The following HDAC9 variants were observed in gnomAD, a reference collection of about 807,000 sequenced individuals.
The protein encoded by HDAC9 is histone deacetylase 9.
A neutral mutation model predicts 139.4 loss-of-function variants in HDAC9; 41 were observed. The observed-to-expected ratio is 0.29, with a 90% CI of 0.23 to 0.38. HDAC9 has a LOEUF of 0.38. Among genes scored for constraint, HDAC9 ranks in the 10% least tolerant of loss-of-function variants. The probability of loss-of-function intolerance (pLI) is 1.00; values close to 1 mark genes in which losing one functional copy is unlikely to be tolerated. For synonymous variants in HDAC9, 517 were observed against 476.2 expected, an observed-to-expected ratio of 1.09 and a Z score of -1.12; for missense variants, 1,147 against 1,297.0, an observed-to-expected ratio of 0.88 and a Z score of 1.78.
chr7:18,236,101 A>G (rs534600494), intron 2 of HDAC9, among the ~76,000 whole-genome samples: 1 of 152,228 alleles, frequency 6.6e-6, no homozygotes, highest in Non-Finnish European at 1.5e-5. Flanking sequence ...GAAACAGTTC[A>G]GAGACTGGAA....
chr7:18,987,699 G>T (rs1399157070), intron 25 of HDAC9, among the ~76,000 whole-genome samples: 2 of 151,896 alleles, frequency 1.3e-5, no homozygotes, highest in Admixed American at 6.6e-5. Flanking sequence ...TCTGGTCCTG[G>T]ACTCTTTTTG....
At chr7:18,901,472 C>T (rs879632924) in intron 22 of HDAC9, among the ~76,000 whole-genome samples, 3 of 152,024 alleles carry the variant, frequency 2.0e-5, no homozygotes, top group Non-Finnish European at 4.4e-5. Context: ...ATAGTGGAGA[C>T]TTTACAACTG....
chr7:18,623,244 T>A (rs1020442065), intron 6 of HDAC9, among the ~76,000 whole-genome samples: 1 of 151,748 alleles, frequency 6.6e-6, no homozygotes, highest in African/African-American at 2.4e-5. Context: ...CTAAACAGAA[T>A]ACAATTTATA....
At chr7:18,517,629 A>G (rs1441184403) in intron 2 of HDAC9, 2 of 152,176 alleles carry the variant, frequency 1.3e-5, no homozygotes, top group Non-Finnish European at 2.9e-5. Context: ...TTTTCTCAAC[A>G]CTGATTTGAA....
chr7:18,322,013 A>C (rs1800065373), intron 1 of HDAC9, among the ~76,000 whole-genome samples: 1 of 152,182 alleles, frequency 6.6e-6, no homozygotes, highest in Non-Finnish European at 1.5e-5. Flanking sequence ...TGAGATTTCT[A>C]GTGGAATAAA....
chr7:18,157,665 T>G (rs966308006), intron 1 of HDAC9, among the ~76,000 whole-genome samples: 22 of 152,306 alleles, frequency 1.4e-4, no homozygotes, highest in African/African-American at 5.1e-4. Flanking sequence ...TGAAATAGAA[T>G]CTAAGGTTTC....
At chr7:18,914,522 A>C (rs1179401235) in intron 22 of HDAC9, among the ~76,000 whole-genome samples, 1 of 152,052 alleles carries the variant, frequency 6.6e-6, no homozygotes, top group African/African-American at 2.4e-5. Flanking sequence ...TTTGGGGTAC[A>C]TAATGCCTTT....
intron 2 of HDAC9, among the ~76,000 whole-genome samples, chr7:18,545,613 C>T (rs1212622798): frequency 6.6e-6 from 1 of 152,128 alleles, no homozygotes; most frequent in Non-Finnish European, 1.5e-5. Flanking sequence ...TGGGAATAGG[C>T]ATTGTGTATT....
intron 12 of HDAC9, among the ~76,000 whole-genome samples, chr7:18,672,041 A>T (rs754561749): frequency 6.6e-6 from 1 of 152,014 alleles, no homozygotes; most frequent in Non-Finnish European, 1.5e-5. Flanking sequence ...CTTTTGTGAG[A>T]AGATATATTT....
At chr7:18,680,223 G>C (rs73683135) in intron 12 of HDAC9, among the ~76,000 whole-genome samples, 128 of 152,042 alleles carry the variant, frequency 8.4e-4, no homozygotes, top group African/African-American at 3.0e-3. Flanking sequence ...AAATTGTGGG[G>C]AGCCTACTAG....
At chr7:18,307,390 A>G (rs773545718) in intron 1 of HDAC9, among the ~76,000 whole-genome samples, 2 of 152,184 alleles carry the variant, frequency 1.3e-5, no homozygotes, top group African/African-American at 2.4e-5. Context: ...AAATAATGGT[A>G]ATTGTTCAAG....
chr7:18,540,523 A>G (rs762908061), intron 2 of HDAC9, among the ~76,000 whole-genome samples: 17 of 152,220 alleles, frequency 1.1e-4, no homozygotes, highest in Non-Finnish European at 2.4e-4. Context: ...ATAGGCCAGC[A>G]TATACTATTA....
chr7:18,733,241 G>A (rs1786545409), intron 13 of HDAC9, among the ~76,000 whole-genome samples: 1 of 147,192 alleles, frequency 6.8e-6, no homozygotes, highest in Admixed American at 6.8e-5. Context: ...ATATACATGT[G>A]TATATATGTA....
chr7:18,704,651 A>G (rs1320015534), intron 12 of HDAC9, among the ~76,000 whole-genome samples: 1 of 152,226 alleles, frequency 6.6e-6, no homozygotes, highest in Non-Finnish European at 1.5e-5. Context: ...AAAATGAAGA[A>G]TTTGAAGTTT....
chr7:18,503,477 C>T (rs1798936697), intron 2 of HDAC9, among the ~76,000 whole-genome samples: 1 of 152,168 alleles, frequency 6.6e-6, no homozygotes, highest in African/African-American at 2.4e-5. Context: ...CTCTGAGTTG[C>T]TATGATTCAT....
chr7:18,662,974 T>C (rs1474166757), intron 11 of HDAC9, among the ~76,000 whole-genome samples: 1 of 151,998 alleles, frequency 6.6e-6, no homozygotes, highest in African/African-American at 2.4e-5. Flanking sequence ...GTAAAACCCA[T>C]ATTGAAAGGA....
intron 2 of HDAC9, among the ~76,000 whole-genome samples, chr7:18,229,345 T>C (rs1584745683): frequency 6.6e-6 from 1 of 152,238 alleles, no homozygotes; most frequent in Non-Finnish European, 1.5e-5. Context: ...CTGGCTAGGA[T>C]GTCTTGCCCA....
At chr7:18,587,970 A>G (rs957094523) in intron 3 of HDAC9, among the ~76,000 whole-genome samples, 1 of 152,216 alleles carries the variant, frequency 6.6e-6, no homozygotes, top group Non-Finnish European at 1.5e-5. Context: ...AGAATTTAAC[A>G]GTAAGGCAGA....
chr7:18,752,966 C>T (rs886074864), intron 14 of HDAC9, among the ~76,000 whole-genome samples: 1 of 151,990 alleles, frequency 6.6e-6, no homozygotes, highest in Admixed American at 6.6e-5. Context: ...CAGAGAATCT[C>T]GTTGCTAACA....
Sources: gnomAD v4.1 joint callset for allele counts (sites outside exome capture counted in the v4.1 genomes callset) on GRCh38, gnomAD v4.1.1 for gene constraint, MANE v1.5 for transcripts, NCBI Gene and HGNC (gene_info 2026-07-23, HGNC 2026-07-21) for gene names.